The following RBFOX1 variants were observed in gnomAD, a reference collection of about 807,000 sequenced individuals.
RBFOX1 encodes RNA binding fox-1 homolog 1.
In RBFOX1, 8 loss-of-function variants were observed where a neutral mutation model predicts 57.7. That is an observed-to-expected ratio of 0.14 (90% CI 0.08 to 0.25). The LOEUF is 0.25. Among genes scored for constraint, RBFOX1 ranks in the 10% least tolerant of loss-of-function variants. The pLI is 1.00. For synonymous variants in RBFOX1, 326 were observed against 222.4 expected (o/e 1.47, Z -4.15); for missense variants, 611 against 548.5 (o/e 1.11, Z -1.14).
At position 5,857,324 on chromosome 16, in the gene RBFOX1, T is replaced by G. The variant is rs938441798; in HGVS notation, c.319-9979T>G. Among the ~76,000 whole-genome samples the G allele has an allele frequency of 2.6e-5, 4 of 152,124 alleles. No homozygotes were observed. In the South Asian group the frequency reaches 8.3e-4, roughly 32 times the overall value. Reference sequence around the variant, plus strand: ...TCAAAGATCACTGATCACAGATAACTGTAACAGATGTAATAATCATGAAAA... The same window carrying G: ...TCAAAGATCACTGATCACAGATAACGGTAACAGATGTAATAATCATGAAAA... On this transcript the variant is annotated intron_variant, in intron 3 of 19. Transcript: ENST00000641259.
intron 4 of RBFOX1, among the ~76,000 whole-genome samples, chr16:7,432,764 G>T (rs947679309): frequency 6.6e-6 from 1 of 152,202 alleles, no homozygotes; most frequent in African/African-American, 2.4e-5. Flanking sequence ...CCTTTTCTGT[G>T]ATGTGTGGAA....
intron 3 of RBFOX1, among the ~76,000 whole-genome samples, chr16:6,923,324 A>G (rs8057167): frequency 0.72 from 109,989 of 152,008 alleles, 39,997 homozygotes; most frequent in African/African-American, 0.79. Flanking sequence ...ATGTGAGGTC[A>G]GGAGTTCAAG....
At chr16:5,429,541 G>C (rs937125879) in intron 1 of RBFOX1, among the ~76,000 whole-genome samples, 1 of 152,176 alleles carries the variant, frequency 6.6e-6, no homozygotes, top group Non-Finnish European at 1.5e-5. Flanking sequence ...GCCAAGACAG[G>C]GACCATTCCG....
chr16:5,696,792 C>G (rs1242939971), intron 3 of RBFOX1, among the ~76,000 whole-genome samples: 1 of 152,072 alleles, frequency 6.6e-6, no homozygotes, highest in Non-Finnish European at 1.5e-5. Flanking sequence ...TCATGTCTGT[C>G]TATAATCTGC....
chr16:6,608,546 T>A (rs1219181339), intron 2 of RBFOX1, among the ~76,000 whole-genome samples: 3 of 152,160 alleles, frequency 2.0e-5, no homozygotes, highest in Non-Finnish European at 4.4e-5. Context: ...TCTAATATTT[T>A]GGAAGGCTGA....
chr16:6,382,950 C>G (rs549806239), intron 2 of RBFOX1, among the ~76,000 whole-genome samples: 3 of 152,320 alleles, frequency 2.0e-5, no homozygotes, highest in Non-Finnish European at 2.9e-5. Flanking sequence ...CCAGGAAGCT[C>G]TAAATCCTGA....
At chr16:5,968,493 G>A (rs1231172555) in intron 4 of RBFOX1, among the ~76,000 whole-genome samples, 5 of 151,986 alleles carry the variant, frequency 3.3e-5, no homozygotes, top group African/African-American at 1.2e-4. Flanking sequence ...AGAACACGTG[G>A]GTCACTTTAT....
chr16:6,803,453 T>C (rs867192013), intron 3 of RBFOX1, among the ~76,000 whole-genome samples: 44 of 152,254 alleles, frequency 2.9e-4, no homozygotes, highest in African/African-American at 1.0e-3. Flanking sequence ...AAAACAAACA[T>C]TTGTTATTAC....
At chr16:5,473,492 T>C (rs978925076) in intron 2 of RBFOX1, among the ~76,000 whole-genome samples, 2 of 152,076 alleles carry the variant, frequency 1.3e-5, no homozygotes, top group Non-Finnish European at 2.9e-5. Context: ...TCCCAGTACC[T>C]TGTGTAGTAC....
intron 3 of RBFOX1, among the ~76,000 whole-genome samples, chr16:6,687,372 T>A (rs909656870): frequency 1.3e-5 from 2 of 152,184 alleles, no homozygotes; most frequent in Non-Finnish European, 2.9e-5. Context: ...TACCAATATT[T>A]CAGAATTCAC....
intron 3 of RBFOX1, among the ~76,000 whole-genome samples, chr16:6,933,184 G>A (rs2076834399): frequency 1.3e-5 from 2 of 152,186 alleles, no homozygotes; most frequent in South Asian, 4.1e-4. Context: ...GAGTTACTGT[G>A]AATGATGCTA....
intron 2 of RBFOX1, among the ~76,000 whole-genome samples, chr16:5,566,518 C>A (rs923241710): frequency 6.6e-6 from 1 of 151,798 alleles, no homozygotes; most frequent in East Asian, 1.9e-4. Flanking sequence ...GTGATATTGG[C>A]TGATTTTTCT....
rs1190027279 is a variant in RBFOX1, at chr16:6,675,092, G to C, written c.-16+20442G>C. The stretch of plus-strand genomic sequence containing the variant: ...ACTAATTTTTGTATTTTTTTGTAGA[G>C]ATGGGGTTTCACCATGTTGGCCAGG... On this transcript the variant is annotated intron_variant, in intron 3 of 15. Coordinates refer to ENST00000550418, the MANE Select transcript of RBFOX1 (RefSeq NM_018723.4). Among the ~76,000 whole-genome samples the C allele has an allele frequency of 8.6e-5, 13 of 151,960 alleles. 1 individual carries two copies. The South Asian group carries it at 1.5e-3, about 17-fold the overall frequency.
At chr16:5,584,271 G>A (rs1027935431) in intron 2 of RBFOX1, among the ~76,000 whole-genome samples, 8 of 152,162 alleles carry the variant, frequency 5.3e-5, no homozygotes, top group Admixed American at 5.2e-4. Context: ...GTAATAATCC[G>A]TGTCTCTTTC....
intron 3 of RBFOX1, among the ~76,000 whole-genome samples, chr16:5,640,050 C>G (rs898658697): frequency 6.6e-6 from 1 of 152,088 alleles, no homozygotes; most frequent in Admixed American, 6.6e-5. Context: ...GATCTTGTGG[C>G]TCACCTTTGA....
intron 3 of RBFOX1, among the ~76,000 whole-genome samples, chr16:5,826,345 G>A (rs2056054888): frequency 6.6e-6 from 1 of 152,086 alleles, no homozygotes; most frequent in South Asian, 2.1e-4. Flanking sequence ...CTGTGACTTT[G>A]TCCCCAGTAG....
chr16:6,883,182 T>A (rs2063309183), intron 3 of RBFOX1, among the ~76,000 whole-genome samples: 1 of 152,196 alleles, frequency 6.6e-6, no homozygotes, highest in Non-Finnish European at 1.5e-5. Context: ...ACGTTTAATG[T>A]TCTGAACCTA....
Position 5,756,840 on chromosome 16 carries a change from G to A in RBFOX1, c.319-110463G>A, listed in dbSNP as rs115834831. On this transcript the variant is annotated intron_variant, in intron 3 of 19. Coordinates refer to the RBFOX1 transcript ENST00000641259. ...GACTTCTCAATAATACAGCTAACAG[G>A]TACTGAGTGTTTATTGCATGCAGAA... 5.7e-3 allele frequency among the ~76,000 whole-genome samples: 867 copies of A among 152,174 alleles called. 12 individuals are homozygous for A. Among genetic ancestry groups the A allele is most frequent in the African/African-American group, 0.02 (844 of 41,490 alleles).
chr16:6,956,310 C>A (rs1028691509), intron 3 of RBFOX1, among the ~76,000 whole-genome samples: 1 of 152,156 alleles, frequency 6.6e-6, no homozygotes, highest in Admixed American at 6.5e-5. Flanking sequence ...AAGGAATCCC[C>A]ATTCGTCATC....
Sources: allele counts gnomAD v4.1 joint callset (sites outside exome capture counted in the v4.1 genomes callset), GRCh38; gene constraint gnomAD v4.1.1; transcripts MANE v1.5; gene names NCBI Gene and HGNC (gene_info 2026-07-23, HGNC 2026-07-21).